Variants in SNAP91 observed in about 807,000 individuals in gnomAD.
SNAP91 encodes the protein synaptosome associated protein 91.
A neutral mutation model predicts 100.3 loss-of-function variants in SNAP91; 27 were observed. The ratio of observed to expected loss-of-function variants is 0.27; its 90% CI spans 0.20 to 0.37. The LOEUF (loss-of-function observed/expected upper bound fraction) is 0.37. Among genes scored for constraint, SNAP91 ranks in the 10% least tolerant of loss-of-function variants. The pLI, the probability that SNAP91 is intolerant of heterozygous loss-of-function variation, is 1.00. For missense variants in SNAP91, 986 were observed against 1,123.7 expected (o/e 0.88, Z 1.75); for synonymous variants, 404 against 398.6 (o/e 1.01, Z -0.16).
intron 2 of SNAP91, among the ~76,000 whole-genome samples, chr6:83,707,138 A>G (rs574663853): frequency 6.6e-6 from 1 of 152,324 alleles, no homozygotes; most frequent in East Asian, 1.9e-4. Flanking sequence ...CATCTCACCC[A>G]GCATTTTCTG....
chr6:83,585,541 A>AAAAT (rs3037002), intron 22 of SNAP91, among the ~76,000 whole-genome samples: 6 of 147,890 alleles, frequency 4.1e-5, no homozygotes, highest in African/African-American at 1.5e-4. Flanking sequence ...AAAAAAAAAA[A>AAAAT]AAAAAGAAAG....
intron 26 of SNAP91, among the ~76,000 whole-genome samples, chr6:83,573,030 G>GTT (rs577732611): frequency 6.6e-6 from 1 of 152,180 alleles, no homozygotes; most frequent in Non-Finnish European, 1.5e-5. Context: ...GCACAAGAGA[G>GTT]TTTTTCTAAG....
chr6:83,582,877 G>A (rs898961127), intron 22 of SNAP91, among the ~76,000 whole-genome samples: 13 of 152,154 alleles, frequency 8.5e-5, no homozygotes, highest in Non-Finnish European at 1.2e-4. Context: ...CTGGATTCAT[G>A]AACAGTCACG....
chr6:83,643,568 T>C (rs1467341801), intron 7 of SNAP91, among the ~76,000 whole-genome samples: 1 of 152,244 alleles, frequency 6.6e-6, no homozygotes, highest in Non-Finnish European at 1.5e-5. Flanking sequence ...TTGATACCGG[T>C]ACCATGTTGT....
chr6:83,636,823 T>C (rs1330929163), intron 8 of SNAP91, among the ~76,000 whole-genome samples: 2 of 152,236 alleles, frequency 1.3e-5, no homozygotes, highest in Admixed American at 1.3e-4. Context: ...TGCTTTCATT[T>C]GGATAGGGCT....
chr6:83,655,544 GA>G (rs1008118124), intron 7 of SNAP91, among the ~76,000 whole-genome samples: 4 of 151,940 alleles, frequency 2.6e-5, no homozygotes, highest in African/African-American at 9.7e-5. Flanking sequence ...ATCTCCTTTG[GA>G]AAAAATGCTC....
chr6:83,560,167 C>T lies in SNAP91; in HGVS notation c.2568G>A (p.Pro856=), dbSNP rs755377780. Residue 856 remains proline (P), a synonymous_variant, in exon 28 of 30, where the codon CCG becomes CCA. Transcript: ENST00000369694. ...TCATCATGGGCTGTGCAAACATGACCGGCTGCTGAGGCATCATGGGCATGC... is the reference window on the plus strand; with the variant it reads ...TCATCATGGGCTGTGCAAACATGACTGGCTGCTGAGGCATCATGGGCATGC... ...GTGMPMMPQQ[P]VMFAQPMMRP... is the part of the protein sequence containing the mutation. 12 of 1,613,750 alleles carry T rather than the reference C, an allele frequency of 7.4e-6. No homozygotes were observed. In the Admixed American group the frequency reaches 8.3e-5, roughly 11 times the overall value.
intron 2 of SNAP91, among the ~76,000 whole-genome samples, chr6:83,695,007 C>T (rs1435978822): frequency 1.3e-5 from 2 of 152,118 alleles, no homozygotes; most frequent in Non-Finnish European, 2.9e-5. Context: ...TGCAATGGCT[C>T]ATGCCTACAA....
intron 26 of SNAP91, among the ~76,000 whole-genome samples, chr6:83,566,907 C>T (rs1471780825): frequency 6.6e-6 from 1 of 152,190 alleles, no homozygotes; most frequent in Non-Finnish European, 1.5e-5. Context: ...ATGGTCCACA[C>T]TGCTGTGCTG....
At chr6:83,612,949 C>A (rs1293418012) in intron 11 of SNAP91, among the ~76,000 whole-genome samples, 2 of 148,800 alleles carry the variant, frequency 1.3e-5, no homozygotes, top group Non-Finnish European at 3.0e-5. Flanking sequence ...CAAACTAATA[C>A]CTAAAATATT....
chr6:83,688,747 C>T (rs575091911), intron 2 of SNAP91, among the ~76,000 whole-genome samples: 1 of 152,214 alleles, frequency 6.6e-6, no homozygotes, highest in South Asian at 2.1e-4. Context: ...TTGTGATCCA[C>T]CCACTTCAGC....
chr6:83,638,442 A>T (rs546529626), intron 8 of SNAP91, among the ~76,000 whole-genome samples: 33 of 151,910 alleles, frequency 2.2e-4, no homozygotes, highest in Non-Finnish European at 4.3e-4. Flanking sequence ...GCTTCCCTAA[A>T]GCCACTTATA....
intron 2 of SNAP91, among the ~76,000 whole-genome samples, chr6:83,669,895 T>C (rs1237608213): frequency 6.6e-6 from 1 of 152,016 alleles, no homozygotes; most frequent in African/African-American, 2.4e-5. Flanking sequence ...CATTCACCTG[T>C]TGATGAACAA....
At chr6:83,690,324 T>C in intron 2 of SNAP91, 2 of 1,262,106 alleles carry the variant, frequency 1.6e-6, no homozygotes, top group East Asian at 1.1e-4. Flanking sequence ...TTAGCACAAC[T>C]TTTTAAAAGA....
At chr6:83,677,102 C>G (rs2098919657) in intron 2 of SNAP91, among the ~76,000 whole-genome samples, 1 of 152,184 alleles carries the variant, frequency 6.6e-6, no homozygotes, top group Admixed American at 6.5e-5. Flanking sequence ...TCATGTTTCT[C>G]TTTCCACCCA....
intron 10 of SNAP91, among the ~76,000 whole-genome samples, chr6:83,615,929 C>T (rs930138901): frequency 3.9e-5 from 6 of 152,080 alleles, no homozygotes; most frequent in South Asian, 2.1e-4. Context: ...GATCATTTTA[C>T]GGGTTGTCTC....
intron 7 of SNAP91, among the ~76,000 whole-genome samples, chr6:83,649,467 C>A (rs1290954131): frequency 6.6e-6 from 1 of 152,198 alleles, no homozygotes; most frequent in Non-Finnish European, 1.5e-5. Context: ...GTGTCTCTTA[C>A]AACTTAGTGT....
intron 24 of SNAP91, among the ~76,000 whole-genome samples, chr6:83,580,026 TTGG>T (rs1308593621): frequency 2.0e-5 from 3 of 152,208 alleles, no homozygotes; most frequent in Non-Finnish European, 4.4e-5. Flanking sequence ...GGAAGAATGC[TTGG>T]TATTCAATAA....
intron 2 of SNAP91, among the ~76,000 whole-genome samples, chr6:83,675,859 C>G (rs1262098522): frequency 1.3e-5 from 2 of 150,170 alleles, no homozygotes; most frequent in Non-Finnish European, 3.0e-5. Context: ...CACACACACA[C>G]AGAGTTATAA....
Sources: gnomAD v4.1 joint callset for allele counts (sites outside exome capture counted in the v4.1 genomes callset) on GRCh38, gnomAD v4.1.1 for gene constraint, MANE v1.5 for transcripts, NCBI Gene and HGNC (gene_info 2026-07-23, HGNC 2026-07-21) for gene names.